The following GALNTL6 variants were observed in gnomAD, a reference collection of about 807,000 sequenced individuals.
GALNTL6 encodes the protein polypeptide N-acetylgalactosaminyltransferase-like 6.
In GALNTL6, 46 loss-of-function variants were observed where a neutral mutation model predicts 73.7. The observed-to-expected ratio is 0.62, with a 90% CI of 0.49 to 0.80. The LOEUF (loss-of-function observed/expected upper bound fraction) is 0.80. Among genes scored for constraint, GALNTL6 ranks in the 30% least tolerant of loss-of-function variants. The pLI is 0.00. For missense variants in GALNTL6, 604 were observed against 755.0 expected (o/e 0.80, Z 2.34); for synonymous variants, 259 against 263.7 (o/e 0.98, Z 0.17).
chr4:172,009,716 A>AT (rs535267296), intron 2 of GALNTL6, among the ~76,000 whole-genome samples: 23 of 152,058 alleles, frequency 1.5e-4, no homozygotes, highest in African/African-American at 4.8e-4. Context: ...CTTTACCATG[A>AT]TTTTTTTAAG....
At chr4:172,670,716 A>G (rs1194742029) in intron 5 of GALNTL6, among the ~76,000 whole-genome samples, 3 of 152,034 alleles carry the variant, frequency 2.0e-5, no homozygotes. Context: ...TCATTATAAA[A>G]TTTTTGCCCA....
chr4:171,890,760 A>G (rs1736737878), intron 2 of GALNTL6, among the ~76,000 whole-genome samples: 1 of 152,170 alleles, frequency 6.6e-6, no homozygotes, highest in Non-Finnish European at 1.5e-5. Context: ...GAAATAACCA[A>G]TGACATATAG....
At position 172,168,530 on chromosome 4, in the gene GALNTL6, G is replaced by C. The variant is rs150534272; in HGVS notation, c.139-61126G>C. 3.7e-3 allele frequency among the ~76,000 whole-genome samples: 564 copies of C among 152,222 alleles called. 2 individuals carry two copies. The highest frequency in any genetic ancestry group is 5.0e-3 in the Non-Finnish European group (339 of 68,014). On this transcript the variant is annotated intron_variant, in intron 2 of 12. Transcript: ENST00000506823. ...TGGTAACAATGGTGATGCTAGTGTT[G>C]GTAATGTTGATCAAGATGGTGATGG...
chr4:172,209,812 A>C (rs1429160178), intron 2 of GALNTL6, among the ~76,000 whole-genome samples: 1 of 152,072 alleles, frequency 6.6e-6, no homozygotes, highest in East Asian at 1.9e-4. Flanking sequence ...ATTTTGCTGA[A>C]TAGATTTCTA....
At chr4:172,735,923 G>T (rs1736432881) in intron 5 of GALNTL6, among the ~76,000 whole-genome samples, 1 of 152,172 alleles carries the variant, frequency 6.6e-6, no homozygotes, top group Non-Finnish European at 1.5e-5. Context: ...TGCCCCTTGA[G>T]CCACAAAACC....
intron 5 of GALNTL6, among the ~76,000 whole-genome samples, chr4:172,765,271 A>G (rs1738343087): frequency 6.6e-6 from 1 of 152,250 alleles, no homozygotes; most frequent in African/African-American, 2.4e-5. Flanking sequence ...GTCCCAAAAT[A>G]TAAAATGAGA....
At chr4:172,903,592 T>G (rs886874859) in intron 8 of GALNTL6, among the ~76,000 whole-genome samples, 1 of 152,168 alleles carries the variant, frequency 6.6e-6, no homozygotes, top group Non-Finnish European at 1.5e-5. Flanking sequence ...TTATTTTATT[T>G]ACCAGTCTTA....
intron 5 of GALNTL6, among the ~76,000 whole-genome samples, chr4:172,483,889 T>C (rs1384570126): frequency 3.9e-5 from 6 of 152,100 alleles, no homozygotes; most frequent in African/African-American, 1.4e-4. Context: ...AAATTAGAAA[T>C]GAAGATATAA....
intron 4 of GALNTL6, among the ~76,000 whole-genome samples, chr4:172,339,592 TG>T (rs979622920): frequency 1.8e-4 from 27 of 152,316 alleles, no homozygotes; most frequent in African/African-American, 5.8e-4. Context: ...GGATTAAAAA[TG>T]GCATCCTGCT....
Position 171,946,646 on chromosome 4 carries a change from AG to A in GALNTL6, c.138+131929del, listed in dbSNP as rs139497714. On this transcript the variant is annotated intron_variant, in intron 2 of 12. Coordinates refer to ENST00000506823, the MANE Select transcript of GALNTL6 (RefSeq NM_001034845.3). ...GAAGATTGTGATACATGTTATGAAG[AG>A]AATAAACTGAGTGAAGAGATAACAT... Among the ~76,000 whole-genome samples the A allele has an allele frequency of 6.6e-3, 1,003 of 152,312 alleles. 17 individuals are homozygous for A. Among genetic ancestry groups the A allele is most frequent in the African/African-American group, 0.023 (961 of 41,572 alleles).
At chr4:172,792,945 C>G (rs1037125885) in intron 5 of GALNTL6, among the ~76,000 whole-genome samples, 1 of 152,032 alleles carries the variant, frequency 6.6e-6, no homozygotes, top group Non-Finnish European at 1.5e-5. Context: ...GTTCCAAGAT[C>G]TTCCCTTTCA....
intron 2 of GALNTL6, among the ~76,000 whole-genome samples, chr4:172,033,619 T>G (rs1039931716): frequency 1.3e-5 from 2 of 152,132 alleles, no homozygotes; most frequent in South Asian, 4.1e-4. Context: ...ATTATTTTTA[T>G]ATTTTAAAAT....
At chr4:171,949,978 G>T (rs180862397) in intron 2 of GALNTL6, among the ~76,000 whole-genome samples, 1 of 152,164 alleles carries the variant, frequency 6.6e-6, no homozygotes, top group Non-Finnish European at 1.5e-5. Context: ...TAAATCTCCA[G>T]TTGGAAAAAT....
intron 5 of GALNTL6, among the ~76,000 whole-genome samples, chr4:172,499,424 A>G (rs1734182727): frequency 1.3e-5 from 2 of 152,218 alleles, no homozygotes; most frequent in Admixed American, 1.3e-4. Context: ...TAGATTTCCC[A>G]GCCTCCAGAG....
At chr4:173,012,268 A>G (rs1752587193) in intron 11 of GALNTL6, among the ~76,000 whole-genome samples, 1 of 152,156 alleles carries the variant, frequency 6.6e-6, no homozygotes, top group South Asian at 2.1e-4. Flanking sequence ...AAACTAGAAA[A>G]GGTCCACCAT....
intron 5 of GALNTL6, among the ~76,000 whole-genome samples, chr4:172,655,746 A>G (rs1173357065): frequency 6.6e-6 from 1 of 152,196 alleles, no homozygotes; most frequent in African/African-American, 2.4e-5. Flanking sequence ...TATTTTGGCA[A>G]TTCTGTTCTT....
At chr4:173,000,151 A>G (rs1342920185) in intron 10 of GALNTL6, among the ~76,000 whole-genome samples, 2 of 152,196 alleles carry the variant, frequency 1.3e-5, no homozygotes, top group African/African-American at 4.8e-5. Context: ...CTCATTTAAT[A>G]CTCACATCAC....
At chr4:172,221,224 C>T (rs997707741) in intron 2 of GALNTL6, among the ~76,000 whole-genome samples, 2 of 151,590 alleles carry the variant, frequency 1.3e-5, no homozygotes, top group African/African-American at 4.8e-5. Flanking sequence ...TTATTTGTTT[C>T]CCTTTAGTTG....
At chr4:172,222,749 C>G (rs1213508419) in intron 2 of GALNTL6, among the ~76,000 whole-genome samples, 2 of 151,860 alleles carry the variant, frequency 1.3e-5, no homozygotes, top group African/African-American at 4.8e-5. Context: ...TGCTCTCAGG[C>G]TATTCAGATA....
Sources: allele counts gnomAD v4.1 joint callset (sites outside exome capture counted in the v4.1 genomes callset), GRCh38; gene constraint gnomAD v4.1.1; transcripts MANE v1.5; gene names NCBI Gene and HGNC (gene_info 2026-07-23, HGNC 2026-07-21).